Variants in UBR2 observed in about 807,000 individuals in gnomAD.
UBR2 encodes the protein E3 ubiquitin-protein ligase UBR2.
UBR2 carries 92 observed loss-of-function variants against 247.9 expected under a neutral mutation model. That is an observed-to-expected ratio of 0.37 (90% CI 0.31 to 0.44). UBR2 has a LOEUF of 0.44. Among genes scored for constraint, UBR2 ranks in the 20% least tolerant of loss-of-function variants. The pLI is 1.00. For missense variants in UBR2, 1,613 were observed against 2,112.6 expected, an observed-to-expected ratio of 0.76 and a Z score of 4.64; for synonymous variants, 672 against 693.5, an observed-to-expected ratio of 0.97 and a Z score of 0.49.
At chr6:42,577,892 A>T (rs866987189) in intron 2 of UBR2, among the ~76,000 whole-genome samples, 2 of 152,004 alleles carry the variant, frequency 1.3e-5, no homozygotes, top group African/African-American at 4.8e-5. Flanking sequence ...ACTATTAAAT[A>T]ATTTTGTATA....
chr6:42,688,486 C>A, intron 45 of UBR2, 100 bp downstream of exon 45: 1 of 1,383,742 alleles, frequency 7.2e-7, no homozygotes, highest in Non-Finnish European at 9.9e-7. Flanking sequence ...TTTGAGACTA[C>A]TGTTCCGTGT....
chr6:42,615,922 C>T, intron 9 of UBR2, 80 bp from the exon 10 acceptor site: 1 of 1,069,726 alleles, frequency 9.3e-7, no homozygotes, highest in African/African-American at 1.6e-5. Context: ...ACAAAAAAAA[C>T]CCACTGTGGA....
intron 4 of UBR2, among the ~76,000 whole-genome samples, chr6:42,596,167 A>G (rs1421362382): frequency 1.3e-5 from 2 of 149,596 alleles, no homozygotes; most frequent in Non-Finnish European, 3.0e-5. Context: ...GCAAGTAAAA[A>G]GATAACCCAA....
intron 22 of UBR2, among the ~76,000 whole-genome samples, chr6:42,648,708 T>C (rs959132560): frequency 3.9e-5 from 6 of 152,156 alleles, no homozygotes; most frequent in African/African-American, 1.4e-4. Context: ...TCTTTATTTT[T>C]TGTTGGTTAT....
chr6:42,592,418 G>A (rs1792726113), intron 3 of UBR2, among the ~76,000 whole-genome samples, 189 bp downstream of exon 3: 3 of 152,116 alleles, frequency 2.0e-5, no homozygotes, highest in Admixed American at 6.5e-5. Context: ...ACTTCTTGGA[G>A]CATATGATTT....
intron 10 of UBR2, among the ~76,000 whole-genome samples, chr6:42,616,322 A>C (rs148719702): frequency 6.6e-6 from 1 of 152,216 alleles, no homozygotes; most frequent in East Asian, 1.9e-4. Flanking sequence ...TACAATGTTT[A>C]TGAAATAATA....
At position 42,673,656 on chromosome 6, in the gene UBR2, T is replaced by A. The variant is rs577773078; in HGVS notation, c.4087-135T>A. The A allele has an allele frequency of 8.4e-5, 51 of 607,492 alleles. No homozygotes were observed. In the Middle Eastern group the frequency reaches 1.3e-3, roughly 15 times the overall value. The allele number at this position is 607,492 out of a possible 1,614,324, so 37.6% of individuals were successfully genotyped here. On this transcript the variant is annotated intron_variant, in intron 36 of 46. Transcript: ENST00000372901. ...TTTATCCTGTGTTAGAGGCATGTCA[T>A]TGAGATGTCATAGATCTAGTTCCAT...
intron 2 of UBR2, among the ~76,000 whole-genome samples, chr6:42,577,598 T>C (rs752277741): frequency 1.4e-4 from 20 of 145,940 alleles, no homozygotes; most frequent in Admixed American, 2.0e-4. Flanking sequence ...TTGTATATTT[T>C]GACATTTTTT....
chr6:42,606,121 T>C (rs2151929614), intron 6 of UBR2, among the ~76,000 whole-genome samples: 1 of 152,058 alleles, frequency 6.6e-6, no homozygotes, highest in East Asian at 1.9e-4. Flanking sequence ...CATGAGCCGG[T>C]AATCCCAGCT....
intron 11 of UBR2, among the ~76,000 whole-genome samples, chr6:42,631,013 C>T (rs762209686): frequency 1.3e-4 from 20 of 152,074 alleles, no homozygotes; most frequent in Non-Finnish European, 2.9e-4. Flanking sequence ...CACTGTGTTG[C>T]CCAGGCTGGT....
chr6:42,663,516 C>A, intron 32 of UBR2, 97 bp downstream of exon 32: 1 of 1,261,504 alleles, frequency 7.9e-7, no homozygotes, highest in Non-Finnish European at 1.1e-6. Context: ...TAGGCAATTG[C>A]ATAGTGTTTT....
chr6:42,676,074 T>C lies in UBR2; in HGVS notation c.4270T>C (p.Phe1424Leu), dbSNP rs112684241. 142 of 1,612,648 alleles carry C rather than the reference T, an allele frequency of 8.8e-5. 4 individuals carry two copies. The African/African-American group carries it at 1.4e-3, about 15-fold the overall frequency. ...TGCCTAGGTGGGCTTGGTGCTTGCA[T>C]TTCCTGCGTTGCAGTGTCAGGATTT... ...FHLLVGLVLA[F>L]PALQCQDFSG... Residue 1424 changes from phenylalanine (F) to leucine (L), a missense_variant, in exon 39 of 47, where the codon TTT becomes CTT. By Grantham distance (22) the Phe-to-Leu change is conservative. Around this residue, in one of 3 missense-constraint regions of UBR2, gnomAD observed 1,524 missense variants for 1,967.3 expected, o/e 0.77. Coordinates refer to ENST00000372901, the MANE Select transcript of UBR2 (RefSeq NM_001363705.2).
At chr6:42,572,378 G>T (rs1791209890) in intron 1 of UBR2, among the ~76,000 whole-genome samples, 1 of 151,644 alleles carries the variant, frequency 6.6e-6, no homozygotes, top group African/African-American at 2.4e-5. Flanking sequence ...AGAAGGAGTG[G>T]TCTGAAGAAT....
chr6:42,683,048 A>G lies in UBR2; in HGVS notation c.4719-7A>G. On this transcript the variant is annotated splice_region_variant and splice_polypyrimidine_tract_variant and intron_variant, in intron 42 of 46. Coordinates refer to ENST00000372901, the MANE Select transcript of UBR2 (RefSeq NM_001363705.2). ...TTTGTGTTTTTCCCCCTCTGTTTAC[A>G]TTAAAGTTGGTGCCGTAACAGTGAA... is the stretch of plus-strand genomic sequence containing the variant. The G allele has an allele frequency of 1.9e-6, 3 of 1,612,250 alleles. No homozygotes were observed. Among genetic ancestry groups the G allele is most frequent in the Non-Finnish European group, 2.5e-6 (3 of 1,179,332 alleles).
At chr6:42,684,696 G>T in intron 43 of UBR2, 98 bp from the exon 44 acceptor site, 3 of 750,744 alleles carry the variant, frequency 4.0e-6, no homozygotes, top group Non-Finnish European at 4.2e-6. Flanking sequence ...GCCATACCAT[G>T]TTACCCGGGC....
chr6:42,657,184 G>T (rs143237948), intron 26 of UBR2, among the ~76,000 whole-genome samples: 73 of 147,916 alleles, frequency 4.9e-4, no homozygotes, highest in Non-Finnish European at 9.0e-4. Flanking sequence ...GCAGTGATCC[G>T]AGATTACACC....
At chr6:42,564,434 C>T (rs1790656823) in intron 1 of UBR2, 37 bp downstream of exon 1, 1 of 1,589,860 alleles carries the variant, frequency 6.3e-7, no homozygotes, top group Non-Finnish European at 8.6e-7. Flanking sequence ...GTCTGCCCCT[C>T]GCAGGCCGCG....
intron 1 of UBR2, among the ~76,000 whole-genome samples, chr6:42,573,380 C>T (rs1237221311): frequency 2.0e-5 from 3 of 152,132 alleles, no homozygotes. Context: ...ATGAGAATAA[C>T]ATTTGAGCAA....
At chr6:42,681,460 A>G (rs1297378050) in intron 42 of UBR2, among the ~76,000 whole-genome samples, 2 of 152,232 alleles carry the variant, frequency 1.3e-5, no homozygotes, top group African/African-American at 4.8e-5. Flanking sequence ...TTAAATAGGC[A>G]TTTCTCCAAA....
Sources: gnomAD v4.1 joint callset for allele counts (sites outside exome capture counted in the v4.1 genomes callset) on GRCh38, gnomAD v4.1.1 for gene constraint, gnomAD v4.1.1 regional missense constraint, MANE v1.5 for transcripts, NCBI Gene and HGNC (gene_info 2026-07-23, HGNC 2026-07-21) for gene names.